PDE9A: variants seen among roughly 807,000 people sequenced by gnomAD.
PDE9A encodes the protein phosphodiesterase 9A.
A neutral mutation model predicts 87.4 loss-of-function variants in PDE9A; 60 were observed. The observed-to-expected ratio is 0.69, with a 90% CI of 0.56 to 0.85. The LOEUF (loss-of-function observed/expected upper bound fraction) is 0.85, where lower values mean the gene tolerates loss of function less well. PDE9A is among the 40% of genes least tolerant of loss of function. The pLI is 0.00. For synonymous variants in PDE9A, 272 were observed against 279.4 expected (o/e 0.97, Z 0.27); for missense variants, 665 against 779.0 (o/e 0.85, Z 1.74).
At chr21:42,738,366 C>T (rs1171955030) in intron 7 of PDE9A, among the ~76,000 whole-genome samples, 1 of 152,206 alleles carries the variant, frequency 6.6e-6, no homozygotes, top group Non-Finnish European at 1.5e-5. Flanking sequence ...TCTATTCATA[C>T]ATGTCTTTAA....
intron 9 of PDE9A, among the ~76,000 whole-genome samples, chr21:42,752,076 C>T (rs752836117): frequency 6.6e-6 from 1 of 152,032 alleles, no homozygotes; most frequent in Non-Finnish European, 1.5e-5. Context: ...TGCTAAGATT[C>T]AGGGGGCACA....
At position 42,723,292 on chromosome 21, in the gene PDE9A, G is replaced by A. The variant is rs1006631156; in HGVS notation, c.263-8478G>A. 6.6e-6 allele frequency among the ~76,000 whole-genome samples: 1 copy of A among 152,212 alleles called. No individual in the cohort carries two copies. The highest frequency in any genetic ancestry group is 1.5e-5 in the Non-Finnish European group (1 of 68,040). The stretch of plus-strand genomic sequence containing the variant: ...TCTGCTGGACTCCAGGATTGCCCTG[G>A]AACAAACCTAAAGTCTCCTATGACA... On this transcript the variant is annotated intron_variant, in intron 4 of 19. Coordinates refer to ENST00000291539, the MANE Select transcript of PDE9A (RefSeq NM_002606.3). This position sits in a 1 kb window ranked among gnomAD's most constrained non-coding sequence, Gnocchi z 4.3.
At chr21:42,671,293 G>A (rs1226208022) in intron 1 of PDE9A, among the ~76,000 whole-genome samples, 6 of 152,212 alleles carry the variant, frequency 3.9e-5, no homozygotes, top group African/African-American at 1.4e-4. Context: ...TAACAGGGAA[G>A]TGTTTTGTTT....
chr21:42,686,831 TAA>T, intron 2 of PDE9A, among the ~76,000 whole-genome samples: 1 of 151,764 alleles, frequency 6.6e-6, no homozygotes, highest in Non-Finnish European at 1.5e-5. Context: ...AATAAATAAA[TAA>T]AAAAGAGTGT....
rs1179337038 is a variant in PDE9A at position 42,751,335 on chromosome 21, C to T, written c.735+138C>T. 65 of 714,794 alleles carry T rather than the reference C, an allele frequency of 9.1e-5. 1 individual carries two copies. Among genetic ancestry groups the T allele is most frequent in the South Asian group, 6.8e-4 (43 of 63,484 alleles). 44.3% of individuals were successfully genotyped at this position (714,794 alleles called of 1,614,324 possible). On this transcript the variant is annotated intron_variant, in intron 9 of 19. Coordinates refer to ENST00000291539, the MANE Select transcript of PDE9A (RefSeq NM_002606.3). The stretch of plus-strand genomic sequence containing the variant: ...TCCCAGCCCTGGGCCGCTGACGGTG[C>T]GGGTTACTTTAAGGCAAAGTATTTT...
intron 19 of PDE9A, 79 bp downstream of exon 19, chr21:42,772,599 G>GA (rs1272656731): frequency 5.0e-6 from 5 of 1,006,070 alleles, no homozygotes; most frequent in Non-Finnish European, 6.0e-6. Flanking sequence ...AGGAAGGGGA[G>GA]AAAATCTGAA....
intron 4 of PDE9A, among the ~76,000 whole-genome samples, chr21:42,729,596 T>C (rs1450465208): frequency 1.3e-5 from 2 of 152,208 alleles, no homozygotes; most frequent in Admixed American, 6.5e-5. Context: ...TCTTGGCTTA[T>C]TGAGTTGAGA....
In PDE9A at chr21:42,759,382, C is replaced by CGTGTGTGTGTGTGTGTGTGGGAGCGTGT. The variant is rs34695329; in HGVS notation, c.897+312_897+313insTGTGGGAGCGTGTGTGTGTGTGTGTGTG. 6.7e-6 allele frequency among the ~76,000 whole-genome samples: 1 copy of CGTGTGTGTGTGTGTGTGTGGGAGCGTGT among 149,082 alleles called. No homozygotes were observed. Among genetic ancestry groups the CGTGTGTGTGTGTGTGTGTGGGAGCGTGT allele is most frequent in the African/African-American group, 2.5e-5 (1 of 40,190 alleles). Reference sequence around the variant, plus strand: ...GTCCTAAAGCAGCGGTGTGTGGGAGCGTGTGTGTGTGTGTGGGAGCGTGTG... The same window carrying CGTGTGTGTGTGTGTGTGTGGGAGCGTGT: ...GTCCTAAAGCAGCGGTGTGTGGGAGCGTGTGTGTGTGTGTGTGTGGGAGCGTGTGTGTGTGTGTGTGTGGGAGCGTGTG... On this transcript the variant is annotated intron_variant, in intron 11 of 19. Transcript: ENST00000291539. This position sits in a 1 kb window ranked among gnomAD's most constrained non-coding sequence, Gnocchi z 7.2.
In PDE9A at chr21:42,758,987, C is replaced by T; in HGVS notation, c.811-12C>T. On this transcript the variant is annotated splice_polypyrimidine_tract_variant and intron_variant, in intron 10 of 19. Coordinates refer to ENST00000291539, the MANE Select transcript of PDE9A (RefSeq NM_002606.3). ...CAACTGCCCAGTGCCTATCCTTCTC[C>T]TGTGCCCACAGATGCTGAGCTGCCT... 1 of 1,609,446 alleles carries T rather than the reference C, an allele frequency of 6.2e-7. No individual in the cohort carries two copies.
intron 4 of PDE9A, among the ~76,000 whole-genome samples, chr21:42,699,914 T>C (rs1412882618): frequency 1.3e-5 from 2 of 152,194 alleles, no homozygotes; most frequent in Non-Finnish European, 2.9e-5. Flanking sequence ...GATTTATACA[T>C]CATAAAATGC....
rs1344761219 is a variant in PDE9A, at chr21:42,694,073, A to G, written c.219-4895A>G. 6.6e-6 allele frequency among the ~76,000 whole-genome samples: 1 copy of G among 152,182 alleles called. No individual in the cohort carries two copies. Among genetic ancestry groups the G allele is most frequent in the Non-Finnish European group, 1.5e-5 (1 of 68,038 alleles). ...CACTCTACCCCACCCTCTGGTGACC[A>G]GAAGCTTATGTCTACCAGACCCAGG... On this transcript the variant is annotated intron_variant, in intron 3 of 19. Coordinates refer to ENST00000291539, the MANE Select transcript of PDE9A (RefSeq NM_002606.3). The surrounding 1 kb of genome is among the most constrained non-coding windows in gnomAD (Gnocchi z 5.3).
intron 1 of PDE9A, among the ~76,000 whole-genome samples, chr21:42,667,599 T>C (rs2145907520): frequency 6.6e-6 from 1 of 152,184 alleles, no homozygotes; most frequent in East Asian, 1.9e-4. Context: ...CAGATGGTCT[T>C]GGACTGTCTC....
Position 42,751,151 on chromosome 21 carries a change from A to C in PDE9A, c.689A>C (p.Asn230Thr). 1.9e-6 allele frequency: 3 copies of C among 1,613,292 alleles called. No homozygotes were observed. The highest frequency in any genetic ancestry group is 1.7e-6 in the Non-Finnish European group (2 of 1,179,320). ...NCPCKYSFLD[N>T]HKKLTPRRDV... ...CCCTGTAAGTACAGTTTTTTGGATA[A>C]CCACAAGAAGTTGACTCCTCGACGC... Residue 230 changes from asparagine (N) to threonine (T), a missense_variant, in exon 9 of 20, where the codon AAC (asparagine) becomes ACC (threonine). Coordinates refer to ENST00000291539, the MANE Select transcript of PDE9A (RefSeq NM_002606.3).
At chr21:42,699,567 TAA>T (rs10711885) in intron 4 of PDE9A, among the ~76,000 whole-genome samples, 16,008 of 147,680 alleles carry the variant, frequency 0.11, 1,128 homozygotes, top group East Asian at 0.34. Flanking sequence ...TTTTTTTTTT[TAA>T]AAAAAAACGG....
At chr21:42,653,944 C>T in intron 1 of PDE9A, 61 bp downstream of exon 1, 4 of 1,035,110 alleles carry the variant, frequency 3.9e-6, no homozygotes, top group South Asian at 1.4e-5. Context: ...CGGGGCCGGG[C>T]GCGGCGGGGC....
Position 42,769,037 on chromosome 21 carries a change from A to G in PDE9A, c.1472A>G (p.Glu491Gly), listed in dbSNP as rs2056659489. 6.2e-7 allele frequency: 1 copy of G among 1,612,442 alleles called. No homozygotes were observed. The highest frequency in any genetic ancestry group is 8.5e-7 in the Non-Finnish European group (1 of 1,178,842). Residue 491 changes from glutamate (E) to glycine (G), a missense_variant, in exon 17 of 20, where the codon GAG becomes GGG. Physicochemically the swap from Glu to Gly is moderately conservative, Grantham distance 98. Coordinates refer to ENST00000291539, the MANE Select transcript of PDE9A (RefSeq NM_002606.3). ...LEEYFMQSDR[E>G]KSEGLPVAPF... ...CTGCATTCCCTGCAGAGCGACCGTG[A>G]GAAGTCAGAAGGCCTTCCTGTGGCA...
intron 4 of PDE9A, among the ~76,000 whole-genome samples, chr21:42,712,709 T>A (rs1189756666): frequency 2.6e-5 from 4 of 152,202 alleles, no homozygotes. Context: ...TTTCTGAGAG[T>A]TTTTTGTCTC....
intron 1 of PDE9A, among the ~76,000 whole-genome samples, chr21:42,678,995 T>G (rs535923632): frequency 6.6e-6 from 1 of 152,338 alleles, no homozygotes; most frequent in East Asian, 1.9e-4. Flanking sequence ...AACTGGAACA[T>G]GCAGGTGCCT....
At position 42,685,759 on chromosome 21, in the gene PDE9A, C is replaced by T. The variant is rs907200179; in HGVS notation, c.70-433C>T. Among the ~76,000 whole-genome samples the T allele has an allele frequency of 2.6e-5, 4 of 152,170 alleles. No homozygotes were observed. In the East Asian group the frequency reaches 7.7e-4, roughly 29 times the overall value. ...CTGGGATTACAGGCGTGAGCCACCG[C>T]GCCCGGCCTTTTTTTCTTTTTTCTT... On this transcript the variant is annotated intron_variant, in intron 1 of 19. Transcript: ENST00000291539.
Sources: allele counts gnomAD v4.1 joint callset (sites outside exome capture counted in the v4.1 genomes callset), GRCh38; gene constraint gnomAD v4.1.1; non-coding constraint Gnocchi (gnomAD v3.1); transcripts MANE v1.5; gene names NCBI Gene and HGNC (gene_info 2026-07-23, HGNC 2026-07-21).